The following TRPM8 variants were observed in gnomAD, a reference collection of about 807,000 sequenced individuals.
The protein encoded by TRPM8 is TRPM8 cationic channel.
In TRPM8, 110 loss-of-function variants were observed where a neutral mutation model predicts 133.7. The observed-to-expected ratio is 0.82, with a 90% CI of 0.70 to 0.96. TRPM8 has a LOEUF of 0.96. TRPM8 is among the 40% of genes least tolerant of loss of function. The pLI is 0.00. For synonymous variants in TRPM8, 535 were observed against 532.3 expected, an observed-to-expected ratio of 1.01 and a Z score of -0.07; for missense variants, 1,291 against 1,379.5, an observed-to-expected ratio of 0.94 and a Z score of 1.02.
At position 234,006,852 on chromosome 2, in the gene TRPM8, G is replaced by C; in HGVS notation, c.3131-1G>C. ...ATGTTTTCTTTTTCTCATTATTCAAGGTTTCAAAAATGAAGACAATGAGAC... is the reference window on the plus strand; with the variant it reads ...ATGTTTTCTTTTTCTCATTATTCAACGTTTCAAAAATGAAGACAATGAGAC... On this transcript the variant is annotated splice_acceptor_variant, in intron 22 of 25. Coordinates refer to ENST00000324695, the MANE Select transcript of TRPM8 (RefSeq NM_024080.5). LOFTEE classifies it high-confidence loss of function. 2.5e-6 allele frequency: 4 copies of C among 1,606,566 alleles called. No individual in the cohort carries two copies. The highest frequency in any genetic ancestry group is 3.4e-6 in the Non-Finnish European group (4 of 1,173,740).
At chr2:233,986,526 G>T (rs1249775000) in intron 21 of TRPM8, among the ~76,000 whole-genome samples, 2 of 152,148 alleles carry the variant, frequency 1.3e-5, no homozygotes, top group South Asian at 4.1e-4. Flanking sequence ...AGCATTTTAA[G>T]TGCACAAATC....
intron 22 of TRPM8, among the ~76,000 whole-genome samples, chr2:233,998,742 C>T (rs1692473843): frequency 6.6e-6 from 1 of 152,134 alleles, no homozygotes; most frequent in Non-Finnish European, 1.5e-5. Context: ...CCAGCTTGTG[C>T]CCATCCAGTT....
chr2:233,960,490 T>A (rs1477917653), intron 11 of TRPM8, among the ~76,000 whole-genome samples: 2 of 152,222 alleles, frequency 1.3e-5, no homozygotes, highest in Non-Finnish European at 2.9e-5. Context: ...TGGGTGTATT[T>A]ATCTCCATTT....
intron 22 of TRPM8, among the ~76,000 whole-genome samples, chr2:234,000,654 A>G (rs1692534808): frequency 6.7e-6 from 1 of 149,524 alleles, no homozygotes; most frequent in African/African-American, 2.5e-5. Flanking sequence ...GAGCCTTCAT[A>G]AGGAAAGGAA....
chr2:233,940,344 A>G (rs1690875204), intron 5 of TRPM8, among the ~76,000 whole-genome samples: 1 of 141,824 alleles, frequency 7.1e-6, no homozygotes, highest in African/African-American at 2.7e-5. Flanking sequence ...TTTCCCATTT[A>G]TTTTTCTCAG....
intron 11 of TRPM8, among the ~76,000 whole-genome samples, chr2:233,959,338 T>G (rs1691374200): frequency 1.4e-5 from 2 of 143,240 alleles, no homozygotes; most frequent in Admixed American, 1.4e-4. Flanking sequence ...TTTTTTTTTT[T>G]TTTTTTGAGA....
intron 15 of TRPM8, chr2:233,968,055 G>C (rs576584652): frequency 6.6e-6 from 1 of 152,322 alleles, no homozygotes; most frequent in East Asian, 1.9e-4. Context: ...TCAGGGTGCT[G>C]TGTGGGGTCA....
At chr2:233,927,955 TC>T (rs1691598461) in intron 2 of TRPM8, among the ~76,000 whole-genome samples, 5 of 74,250 alleles carry the variant, frequency 6.7e-5, no homozygotes, top group Non-Finnish European at 1.1e-4. Flanking sequence ...TCTCTCTCTC[TC>T]TCTCTTTCTT....
Position 234,005,806 on chromosome 2 carries a change from G to A in TRPM8, c.3131-1047G>A, listed in dbSNP as rs187966734. Among the ~76,000 whole-genome samples the A allele has an allele frequency of 1.9e-4, 29 of 152,136 alleles. No homozygotes were observed. In the East Asian group the frequency reaches 5.6e-3, roughly 29 times the overall value. On this transcript the variant is annotated intron_variant, in intron 22 of 25. Transcript: ENST00000324695. ...TGCGCTTGTAGTCCCAGCTGCTTGG[G>A]AGGCTGAGGCAGGAGAATCGCTTGA...
chr2:233,951,037 C>A (rs1691161751), intron 9 of TRPM8, among the ~76,000 whole-genome samples: 1 of 97,414 alleles, frequency 1.0e-5, no homozygotes, highest in East Asian at 6.2e-4. Flanking sequence ...CCCGTCCCTA[C>A]AAACAAACAA....
At chr2:233,961,849 C>T (rs1474674420) in intron 12 of TRPM8, among the ~76,000 whole-genome samples, 3 of 152,060 alleles carry the variant, frequency 2.0e-5, no homozygotes, top group Non-Finnish European at 2.9e-5. Context: ...AGGCTGGTCT[C>T]GAACTCCTGA....
intron 2 of TRPM8, 98 bp downstream of exon 2, chr2:233,926,752 T>C: frequency 1.1e-6 from 1 of 891,290 alleles, no homozygotes; most frequent in Admixed American, 2.1e-5. Flanking sequence ...ACATTTTAAA[T>C]GCCATGTCTT....
intron 2 of TRPM8, 134 bp from the exon 3 acceptor site, chr2:233,930,534 A>C: frequency 1.7e-6 from 1 of 603,816 alleles, no homozygotes; most frequent in Non-Finnish European, 2.8e-6. Context: ...GCATGAACAA[A>C]TGCTGGATGC....
chr2:233,940,630 G>C (rs1690882519), intron 5 of TRPM8, among the ~76,000 whole-genome samples: 1 of 152,208 alleles, frequency 6.6e-6, no homozygotes, highest in African/African-American at 2.4e-5. Context: ...TTGTCCACTT[G>C]GAGTGCTACC....
At chr2:233,983,027 T>C in intron 19 of TRPM8, 26 bp from the exon 20 acceptor site, 1 of 1,601,890 alleles carries the variant, frequency 6.2e-7, no homozygotes, top group Non-Finnish European at 8.5e-7. Flanking sequence ...CGGTCCTGAC[T>C]CCGCTCTCCT....
In TRPM8 at chr2:233,962,605, T is replaced by A. The variant is rs538993786; in HGVS notation, c.1654-677T>A. Among the ~76,000 whole-genome samples the A allele has an allele frequency of 2.0e-5, 3 of 152,364 alleles. No individual in the cohort carries two copies. In the East Asian group the frequency reaches 5.8e-4, roughly 29 times the overall value. On this transcript the variant is annotated intron_variant, in intron 12 of 25. Coordinates refer to ENST00000324695, the MANE Select transcript of TRPM8 (RefSeq NM_024080.5). ...TGTATGTGTGTTGCAAAAATCTAAA[T>A]GCATTAGGTATTTGCAGGAATTGGA...
At position 233,960,772 on chromosome 2, in the gene TRPM8, T is replaced by G; in HGVS notation, c.1363-4T>G. 3 of 1,613,168 alleles carry G rather than the reference T, an allele frequency of 1.9e-6. No individual in the cohort carries two copies. The highest frequency in any genetic ancestry group is 1.7e-6 in the Non-Finnish European group (2 of 1,179,292). Reference sequence around the variant, plus strand: ...TTAGTACTGTCTCTGTTCTTTCTCCTTAGTCTGCTGACCTTCAAGAAGTCA... The same window carrying G: ...TTAGTACTGTCTCTGTTCTTTCTCCGTAGTCTGCTGACCTTCAAGAAGTCA... On this transcript the variant is annotated splice_region_variant and splice_polypyrimidine_tract_variant and intron_variant, in intron 11 of 25. Transcript: ENST00000324695.
At chr2:233,966,235 T>G in intron 14 of TRPM8, 2 of 152,914 alleles carry the variant, frequency 1.3e-5, no homozygotes, top group Non-Finnish European at 1.3e-5. Context: ...GCTGCTCTGA[T>G]TACGGGGGGG....
intron 21 of TRPM8, among the ~76,000 whole-genome samples, chr2:233,995,051 C>T (rs146106308): frequency 1.3e-5 from 2 of 152,166 alleles, no homozygotes; most frequent in Admixed American, 6.5e-5. Context: ...TAAAACATTT[C>T]CTGCTCCCCT....
Sources: allele counts gnomAD v4.1 joint callset (sites outside exome capture counted in the v4.1 genomes callset), GRCh38; gene constraint gnomAD v4.1.1; transcripts MANE v1.5; gene names NCBI Gene and HGNC (gene_info 2026-07-23, HGNC 2026-07-21).